NR3C2: variants seen among roughly 807,000 people sequenced by gnomAD.
NR3C2 encodes nuclear receptor subfamily 3 group C member 2, also known as mineralocorticoid receptor.
Under a neutral mutation model 86.4 loss-of-function variants are expected in NR3C2, and 15 were observed. The ratio of observed to expected loss-of-function variants is 0.17; its 90% confidence interval spans 0.12 to 0.27. The LOEUF (loss-of-function observed/expected upper bound fraction) is 0.27. NR3C2 is among the 10% of genes least tolerant of loss of function. The probability of loss-of-function intolerance (pLI) is 1.00; values close to 1 mark genes in which losing one functional copy is unlikely to be tolerated. For synonymous variants in NR3C2, 458 were observed against 450.5 expected (o/e 1.02, Z -0.21); for missense variants, 960 against 1,195.6 (o/e 0.80, Z 2.91).
At chr4:148,320,947 C>G (rs1439806702) in intron 2 of NR3C2, among the ~76,000 whole-genome samples, 1 of 148,552 alleles carries the variant, frequency 6.7e-6, no homozygotes, top group South Asian at 2.2e-4. Flanking sequence ...TCTTGCTTTT[C>G]TAGTTCTTTT....
At chr4:148,123,937 T>A (rs933060078) in intron 6 of NR3C2, among the ~76,000 whole-genome samples, 1 of 152,214 alleles carries the variant, frequency 6.6e-6, no homozygotes, top group African/African-American at 2.4e-5. Flanking sequence ...TCAGCAGTGA[T>A]TAGTTGATAA....
intron 6 of NR3C2, among the ~76,000 whole-genome samples, chr4:148,124,384 C>T (rs941769933): frequency 1.3e-5 from 2 of 152,224 alleles, no homozygotes; most frequent in African/African-American, 4.8e-5. Flanking sequence ...TGATTTACGA[C>T]AGTACTTTGC....
chr4:148,314,555 G>A (rs1675236173), intron 2 of NR3C2, among the ~76,000 whole-genome samples: 1 of 152,002 alleles, frequency 6.6e-6, no homozygotes, highest in Non-Finnish European at 1.5e-5. Flanking sequence ...CTTTAATACA[G>A]TACTTGAATA....
intron 8 of NR3C2, among the ~76,000 whole-genome samples, chr4:148,086,028 C>G (rs1280216004): frequency 6.6e-6 from 1 of 152,172 alleles, no homozygotes; most frequent in East Asian, 1.9e-4. Flanking sequence ...GACGGATTCA[C>G]AGCCAGATTT....
At chr4:148,333,294 T>G (rs1005435316) in intron 2 of NR3C2, among the ~76,000 whole-genome samples, 1 of 152,112 alleles carries the variant, frequency 6.6e-6, no homozygotes, top group Non-Finnish European at 1.5e-5. Flanking sequence ...AACCTTTCTA[T>G]GTTATGAAAA....
chr4:148,213,941 T>C (rs1302705382), intron 3 of NR3C2, among the ~76,000 whole-genome samples: 1 of 152,196 alleles, frequency 6.6e-6, no homozygotes, highest in Non-Finnish European at 1.5e-5. Flanking sequence ...AAATACTAAC[T>C]TGAATTATTG....
chr4:148,268,825 G>A (rs1740524725), intron 2 of NR3C2, among the ~76,000 whole-genome samples: 1 of 152,122 alleles, frequency 6.6e-6, no homozygotes, highest in African/African-American at 2.4e-5. Context: ...CCAACAACGT[G>A]GCATGGAAAA....
rs72653849 is a variant in NR3C2, at chr4:148,180,680, C to T, written c.2014+14066G>A. ...ACTCATGCAAACCTTTTAGTGTGGT[C>T]GTAATCACAGAGTAAGTGACCTAAA... is the stretch of plus-strand genomic sequence containing the variant. On this transcript the variant is annotated intron_variant, in intron 4 of 8. Transcript: ENST00000358102. Among the ~76,000 whole-genome samples the T allele has an allele frequency of 5.3e-4, 80 of 152,168 alleles. 1 individual carries two copies. The highest frequency in any genetic ancestry group is 1.3e-3 in the Admixed American group (20 of 15,274).
intron 6 of NR3C2, among the ~76,000 whole-genome samples, chr4:148,134,639 C>CTTTT (rs1560938861): frequency 4.1e-4 from 24 of 58,044 alleles, no homozygotes; most frequent in African/African-American, 1.4e-3. Flanking sequence ...CTCTCTCTCT[C>CTTTT]TCTCTTTTTT....
At chr4:148,179,808 G>A (rs1735562340) in intron 4 of NR3C2, among the ~76,000 whole-genome samples, 1 of 151,804 alleles carries the variant, frequency 6.6e-6, no homozygotes, top group South Asian at 2.1e-4. Context: ...ATTCTGCAGT[G>A]TAAAAACACC....
chr4:148,121,153 G>A (rs967869853), intron 6 of NR3C2, among the ~76,000 whole-genome samples: 3 of 152,202 alleles, frequency 2.0e-5, no homozygotes, highest in Non-Finnish European at 4.4e-5. Flanking sequence ...AAATGGGAAA[G>A]GACTTGCCAA....
intron 2 of NR3C2, among the ~76,000 whole-genome samples, chr4:148,391,176 G>A (rs992806993): frequency 6.6e-5 from 10 of 151,978 alleles, no homozygotes; most frequent in African/African-American, 2.2e-4. Flanking sequence ...AACCAAACAG[G>A]GTCTCAGCCT....
chr4:148,167,502 C>T (rs1303258346), intron 4 of NR3C2, among the ~76,000 whole-genome samples: 2 of 152,092 alleles, frequency 1.3e-5, no homozygotes, highest in Non-Finnish European at 2.9e-5. Flanking sequence ...GATATTCTCC[C>T]TTCACAGATA....
At chr4:148,243,742 T>C (rs1231490430) in intron 3 of NR3C2, among the ~76,000 whole-genome samples, 6 of 152,204 alleles carry the variant, frequency 3.9e-5, no homozygotes, top group Non-Finnish European at 7.3e-5. Context: ...GACACATTCA[T>C]AGATTAAAAA....
intron 2 of NR3C2, among the ~76,000 whole-genome samples, chr4:148,395,023 C>T (rs1428339205): frequency 6.6e-6 from 1 of 151,970 alleles, no homozygotes. Flanking sequence ...AAATAAACCT[C>T]TCTCTCATTC....
Position 148,154,845 on chromosome 4 carries a change from G to C in NR3C2, c.2071C>G (p.Gln691Glu), listed in dbSNP as rs374750873. The C allele has an allele frequency of 1.3e-6, 2 of 1,590,376 alleles. No homozygotes were observed. The highest frequency in any genetic ancestry group is 1.7e-6 in the Non-Finnish European group (2 of 1,167,814). The change falls in exon 5 of 9, where the codon CAG becomes GAG. Residue 691 changes from glutamine to glutamate, a missense_variant. Coordinates refer to ENST00000358102, the MANE Select transcript of NR3C2 (RefSeq NM_000901.5). ...LKGIHEEQPQQQQPPPPPPPP... is the reference protein window; with the variant it reads ...LKGIHEEQPQEQQPPPPPPPP... ...GGGGGTGGGGGTGGGGGCTGCTGCT[G>C]CTGTGGCTGCTCCTCGTGAATCCCT...
At chr4:148,191,406 C>A (rs1736189199) in intron 4 of NR3C2, among the ~76,000 whole-genome samples, 1 of 152,206 alleles carries the variant, frequency 6.6e-6, no homozygotes, top group Admixed American at 6.5e-5. Flanking sequence ...TGTCTCACAG[C>A]TCTTAAGATT....
chr4:148,415,092 T>C (rs1426944039), intron 2 of NR3C2, among the ~76,000 whole-genome samples: 1 of 152,264 alleles, frequency 6.6e-6, no homozygotes, highest in African/African-American at 2.4e-5. Flanking sequence ...AAACTCCTCC[T>C]ATTTACTCAG....
intron 2 of NR3C2, among the ~76,000 whole-genome samples, chr4:148,363,741 G>A (rs1745971358): frequency 6.6e-6 from 1 of 152,020 alleles, no homozygotes; most frequent in Admixed American, 6.5e-5. Context: ...CTGACCTTGT[G>A]ATCCACCCGC....
Sources: allele counts gnomAD v4.1 joint callset (sites outside exome capture counted in the v4.1 genomes callset), GRCh38; gene constraint gnomAD v4.1.1; transcripts MANE v1.5; gene names NCBI Gene and HGNC (gene_info 2026-07-23, HGNC 2026-07-21).